Variants in MEIS2 observed in about 807,000 individuals in gnomAD.
The protein encoded by MEIS2 is Meis homeobox 2.
A neutral mutation model predicts 58.6 loss-of-function variants in MEIS2; 9 were observed. The ratio of observed to expected loss-of-function variants is 0.15; its 90% CI spans 0.09 to 0.27. MEIS2 has a LOEUF of 0.27. Ranked by LOEUF, MEIS2 falls within the 10% of genes least tolerant of loss-of-function variation. The pLI is 1.00. For synonymous variants in MEIS2, 221 were observed against 228.4 expected (o/e 0.97, Z 0.29); for missense variants, 427 against 635.0 (o/e 0.67, Z 3.52).
chr15:37,095,741 AG>A, intron 3 of MEIS2, 127 bp from the exon 4 acceptor site: 1 of 1,343,790 alleles, frequency 7.4e-7, no homozygotes, highest in Non-Finnish European at 1.0e-6. Context: ...AATACAAGAA[AG>A]AAACTGGTGC....
chr15:37,025,506 T>C (rs1460704314), intron 8 of MEIS2, among the ~76,000 whole-genome samples: 3 of 152,140 alleles, frequency 2.0e-5, no homozygotes, highest in African/African-American at 7.2e-5. Flanking sequence ...TAACAGATTG[T>C]CCTCACTATC....
intron 7 of MEIS2, among the ~76,000 whole-genome samples, chr15:37,080,466 T>G (rs1022231160): frequency 2.0e-5 from 3 of 152,162 alleles, no homozygotes; most frequent in Middle Eastern, 3.2e-3. Context: ...ACATATATTG[T>G]GTCTTTCATC....
chr15:36,893,632 G>A (rs2056007275), intron 11 of MEIS2, among the ~76,000 whole-genome samples: 1 of 152,200 alleles, frequency 6.6e-6, no homozygotes, highest in African/African-American at 2.4e-5. Flanking sequence ...CATAAAATAT[G>A]TTATGTAATT....
chr15:37,029,431 A>G (rs142036330), intron 8 of MEIS2, among the ~76,000 whole-genome samples: 3,737 of 152,278 alleles, frequency 0.025, 66 homozygotes, highest in Non-Finnish European at 0.039. Context: ...CCTAATTTCC[A>G]AGCAGAAATA....
At chr15:36,942,854 A>T (rs2058423660) in intron 9 of MEIS2, among the ~76,000 whole-genome samples, 1 of 152,098 alleles carries the variant, frequency 6.6e-6, no homozygotes, top group Non-Finnish European at 1.5e-5. Context: ...TATTTTTAAG[A>T]GTAAAAAAAT....
At chr15:36,975,471 T>TTTG (rs199731710) in intron 8 of MEIS2, among the ~76,000 whole-genome samples, 47 of 145,654 alleles carry the variant, frequency 3.2e-4, no homozygotes, top group African/African-American at 1.1e-3. Context: ...AAATAAGGGT[T>TTTG]TTTTTTTTTT....
intron 8 of MEIS2, among the ~76,000 whole-genome samples, chr15:37,029,016 C>T (rs2061809884): frequency 6.6e-6 from 1 of 151,984 alleles, no homozygotes; most frequent in Non-Finnish European, 1.5e-5. Context: ...GAAAATAAAT[C>T]ACCCAGCATT....
At chr15:37,096,220 T>A in intron 3 of MEIS2, 69 bp downstream of exon 3, 1 of 1,465,000 alleles carries the variant, frequency 6.8e-7, no homozygotes. Flanking sequence ...TCCTTTCAAG[T>A]AAAGCTCCGA....
At chr15:37,098,707 C>A (rs2140103184) in intron 1 of MEIS2, among the ~76,000 whole-genome samples, 1 of 152,210 alleles carries the variant, frequency 6.6e-6, no homozygotes, top group East Asian at 1.9e-4. Context: ...GAGGAGGAAG[C>A]CCCGGATCCC....
At chr15:37,011,173 A>G (rs1053347676) in intron 8 of MEIS2, among the ~76,000 whole-genome samples, 2 of 152,224 alleles carry the variant, frequency 1.3e-5, no homozygotes, top group African/African-American at 2.4e-5. Flanking sequence ...ATTATATCAC[A>G]CAGAGTAAAA....
chr15:37,046,518 A>G lies in MEIS2; in HGVS notation c.755-9559T>C, dbSNP rs890472949. On this transcript the variant is annotated intron_variant, in intron 7 of 11. Transcript: ENST00000561208. The stretch of plus-strand genomic sequence containing the variant: ...AAAACCACTTCACCCACTGGTTGGA[A>G]AAATAAAGTGTAAAAACAGACAGAT... 3.9e-5 allele frequency among the ~76,000 whole-genome samples: 6 copies of G among 152,358 alleles called. No homozygotes were observed. In the East Asian group the frequency reaches 1.2e-3, roughly 29 times the overall value.
At chr15:37,069,478 C>G (rs557942293) in intron 7 of MEIS2, among the ~76,000 whole-genome samples, 3 of 152,216 alleles carry the variant, frequency 2.0e-5, no homozygotes, top group Non-Finnish European at 4.4e-5. Context: ...AACTGTACCA[C>G]AAGCCTCTTC....
chr15:37,029,255 A>G (rs1016606839), intron 8 of MEIS2, among the ~76,000 whole-genome samples: 2 of 152,200 alleles, frequency 1.3e-5, no homozygotes, highest in Non-Finnish European at 2.9e-5. Flanking sequence ...GCATTTCCAC[A>G]TAAGTATTTC....
chr15:36,911,044 CAAAAA>C (rs1187244002), intron 9 of MEIS2, among the ~76,000 whole-genome samples: 1 of 83,278 alleles, frequency 1.2e-5, no homozygotes, highest in Admixed American at 1.3e-4. Context: ...GACTCTGTCT[CAAAAA>C]AAAAAAAAAA....
chr15:37,036,756 A>C, intron 8 of MEIS2, 58 bp downstream of exon 8: 1 of 1,575,940 alleles, frequency 6.3e-7, no homozygotes, highest in Non-Finnish European at 8.6e-7. Context: ...ATGAGACCGT[A>C]TAACTTGCTA....
chr15:36,944,287 C>G (rs1286778023), intron 9 of MEIS2, among the ~76,000 whole-genome samples: 1 of 152,082 alleles, frequency 6.6e-6, no homozygotes, highest in Non-Finnish European at 1.5e-5. Context: ...CTTTTAATCT[C>G]TTTCCCCGCC....
chr15:36,986,637 A>AGT (rs1447399038), intron 8 of MEIS2, among the ~76,000 whole-genome samples: 8 of 152,170 alleles, frequency 5.3e-5, no homozygotes, highest in Non-Finnish European at 1.0e-4. Flanking sequence ...TCCCAGCACT[A>AGT]GCTGGGTGGC....
At chr15:36,975,474 T>TTG (rs2059712240) in intron 8 of MEIS2, among the ~76,000 whole-genome samples, 1 of 141,432 alleles carries the variant, frequency 7.1e-6, no homozygotes, top group Admixed American at 7.1e-5. Flanking sequence ...TAAGGGTTTT[T>TTG]TTTTTTTTTT....
intron 7 of MEIS2, among the ~76,000 whole-genome samples, chr15:37,042,961 A>C (rs2062491803): frequency 6.6e-6 from 1 of 152,170 alleles, no homozygotes. Context: ...ACTATTAAAA[A>C]CTTCATAGAA....
Sources: gnomAD v4.1 joint callset for allele counts (sites outside exome capture counted in the v4.1 genomes callset) on GRCh38, gnomAD v4.1.1 for gene constraint, MANE v1.5 for transcripts, NCBI Gene and HGNC (gene_info 2026-07-23, HGNC 2026-07-21) for gene names.